FCRLB: variants seen among roughly 807,000 people sequenced by gnomAD.
FCRLB encodes Fc receptor-like B.
A neutral mutation model predicts 33.6 loss-of-function variants in FCRLB; 34 were observed. The ratio of observed to expected loss-of-function variants is 1.01; its 90% CI spans 0.77 to 1.35. The LOEUF is 1.35. Ranked by LOEUF, FCRLB falls within the 40% of genes most tolerant of loss-of-function variation. The pLI is 0.00. For missense variants in FCRLB, 560 were observed against 580.2 expected (o/e 0.97, Z 0.36); for synonymous variants, 280 against 255.9 (o/e 1.09, Z -0.90).
At chr1:161,721,973 AAG>A (rs1683388773) in intron 2 of FCRLB, 123 bp downstream of exon 2, 1 of 152,234 alleles carries the variant, frequency 6.6e-6, no homozygotes, top group Non-Finnish European at 1.5e-5. Context: ...GGTAGGAAAG[AAG>A]AGTTTTCTAA....
chr1:161,723,312 C>T, intron 4 of FCRLB, 55 bp from the exon 5 acceptor site: 2 of 1,589,464 alleles, frequency 1.3e-6, no homozygotes, highest in East Asian at 2.2e-5. Flanking sequence ...TCTTTGGGCA[C>T]CTCACCTTGA....
intron 3 of FCRLB, 120 bp from the exon 4 acceptor site, chr1:161,722,868 AG>A: frequency 6.6e-7 from 1 of 1,508,400 alleles, no homozygotes; most frequent in Non-Finnish European, 9.1e-7. Flanking sequence ...TTGGGAAACC[AG>A]GGGCAGAAGA....
exon 8 of FCRLB, chr1:161,727,790 C>A (rs557242550): frequency 1.1e-5 from 13 of 1,206,178 alleles, no homozygotes; most frequent in Admixed American, 2.9e-5. Context: ...GGAGCGCCCA[C>A]GAAGTGTAGT....
chr1:161,727,019 C>G, intron 7 of FCRLB, 26 bp downstream of exon 7: 2 of 1,479,012 alleles, frequency 1.4e-6, no homozygotes, highest in Non-Finnish European at 1.8e-6. Flanking sequence ...CCCTCCCGGA[C>G]GCCGACCCTG....
At chr1:161,725,590 C>A (rs936399230) in intron 5 of FCRLB, among the ~76,000 whole-genome samples, 1 of 151,824 alleles carries the variant, frequency 6.6e-6, no homozygotes, top group African/African-American at 2.4e-5. Flanking sequence ...TGCAGTGAAC[C>A]GAGTTTGTGC....
rs1210217132 is a variant in FCRLB at position 161,723,627 on chromosome 1, T to G, written c.307+6T>G. 6.2e-7 allele frequency: 1 copy of G among 1,612,396 alleles called. No homozygotes were observed. Among genetic ancestry groups the G allele is most frequent in the Admixed American group, 1.7e-5 (1 of 59,964 alleles). ...CCACCTCTCTGTATCCAATGGTGAGTGGACTGAGCACGAGGGGAGGGGGAG... is the reference window on the plus strand; with the variant it reads ...CCACCTCTCTGTATCCAATGGTGAGGGGACTGAGCACGAGGGGAGGGGGAG... On this transcript the variant is annotated splice_donor_region_variant and intron_variant, in intron 5 of 7. Coordinates refer to ENST00000367948, the Ensembl canonical transcript of FCRLB.
intron 5 of FCRLB, 48 bp from the exon 6 acceptor site, chr1:161,725,773 G>A: frequency 6.4e-7 from 1 of 1,555,026 alleles, no homozygotes. Context: ...GAGATCTCCA[G>A]GGCTGGACTT....
At chr1:161,727,937 T>TA in exon 8 of FCRLB, 1 of 412,022 alleles carries the variant, frequency 2.4e-6, no homozygotes, top group Non-Finnish European at 4.4e-6. Flanking sequence ...TAGTCACCCT[T>TA]AGCCCTTCAG....
Position 161,726,763 on chromosome 1 carries a change from T to C in FCRLB, c.635T>C (p.Leu212Pro). Residue 212 changes from leucine to proline, a missense_variant, in exon 7 of 8, where the codon CTG (leucine) becomes CCG (proline). Leu to Pro is a moderately conservative substitution (Grantham distance 98, BLOSUM62 -3). Transcript: ENST00000367948. The surrounding 1 kb of genome is among the most constrained non-coding windows in gnomAD (Gnocchi z 5.2). ...CCGCGGGAGGCCCGCGGCGCGGCGCTGGGTGGGGTGGTGCTGCGCTGCGAC... is the reference window on the plus strand; with the variant it reads ...CCGCGGGAGGCCCGCGGCGCGGCGCCGGGTGGGGTGGTGCTGCGCTGCGAC... 1 of 1,582,842 alleles carries C rather than the reference T, an allele frequency of 6.3e-7. No individual in the cohort carries two copies.
At chr1:161,725,433 G>A (rs1392832359) in intron 5 of FCRLB, among the ~76,000 whole-genome samples, 1 of 152,150 alleles carries the variant, frequency 6.6e-6, no homozygotes, top group African/African-American at 2.4e-5. Context: ...CTGAGGTCAG[G>A]AGTTCAAGAC....
chr1:161,727,668 C>A (rs1461425502), exon 8 of FCRLB: 1 of 1,582,322 alleles, frequency 6.3e-7, no homozygotes, highest in Non-Finnish European at 8.6e-7. Context: ...GCTGAGGGGG[C>A]GGCTACCGTC....
exon 8 of FCRLB, chr1:161,727,336 C>T (rs1362249934): frequency 1.9e-6 from 3 of 1,613,622 alleles, no homozygotes; most frequent in South Asian, 1.1e-5. Flanking sequence ...CTTCAGAAAG[C>T]CCCCGGTGTC....
chr1:161,727,886 C>A, exon 8 of FCRLB: 1 of 551,950 alleles, frequency 1.8e-6, no homozygotes, highest in Non-Finnish European at 3.2e-6. Context: ...AAGTAGAAAC[C>A]TGTTATTTAC....
chr1:161,722,783 G>T, intron 3 of FCRLB, 80 bp downstream of exon 3: 1 of 1,565,550 alleles, frequency 6.4e-7, no homozygotes, highest in South Asian at 1.1e-5. Flanking sequence ...AGGAGGGTGG[G>T]TATCCAATCC....
Position 161,722,941 on chromosome 1 carries a change from C to T in FCRLB, c.32-48C>T, listed in dbSNP as rs774956728. ...TCGTCAAGAGTCTCTCTCCTCTCAT[C>T]GCCAATATTCTCCTTCTCCTTCCTC... is the stretch of plus-strand genomic sequence containing the variant. On this transcript the variant is annotated intron_variant, in intron 3 of 7. Coordinates refer to ENST00000367948, the Ensembl canonical transcript of FCRLB. 3.5e-5 allele frequency: 56 copies of T among 1,611,324 alleles called. No homozygotes were observed. The Admixed American group carries it at 4.3e-4, about 12-fold the overall frequency.
intron 2 of FCRLB, among the ~76,000 whole-genome samples, chr1:161,722,437 C>A (rs947161477): frequency 1.3e-5 from 2 of 152,178 alleles, no homozygotes; most frequent in African/African-American, 4.8e-5. Flanking sequence ...CTGGCCTGAG[C>A]TGTGAGGTGG....
At chr1:161,727,365 C>A (rs868762276) in exon 8 of FCRLB, 12 of 1,613,632 alleles carry the variant, frequency 7.4e-6, no homozygotes, top group Non-Finnish European at 1.0e-5. Flanking sequence ...TCCCGTTGGT[C>A]ACCTCCGTCC....
chr1:161,723,017 T>TTATAAATTTCTCA lies in FCRLB; in HGVS notation c.52+10_52+22dup. The TTATAAATTTCTCA allele has an allele frequency of 6.2e-7, 1 of 1,613,894 alleles. No individual in the cohort carries two copies. Among genetic ancestry groups the TTATAAATTTCTCA allele is most frequent in the Non-Finnish European group, 8.5e-7 (1 of 1,179,984 alleles). On this transcript the variant is annotated intron_variant, in intron 4 of 7. Transcript: ENST00000367948. ...CAAGCAGTGGGCAAGCTGGTGAGTCTTATAAATTTCTCATCCCAATTTTCT... is the reference window on the plus strand; with the variant it reads ...CAAGCAGTGGGCAAGCTGGTGAGTCTTATAAATTTCTCATATAAATTTCTCATCCCAATTTTCT...
intron 5 of FCRLB, among the ~76,000 whole-genome samples, chr1:161,724,529 G>A (rs900827821): frequency 2.8e-4 from 43 of 152,072 alleles, no homozygotes; most frequent in African/African-American, 8.7e-4. Context: ...CCTGGGAGGC[G>A]GAAGTTGCAG....
Sources: gnomAD v4.1 joint callset for allele counts (sites outside exome capture counted in the v4.1 genomes callset) on GRCh38, gnomAD v4.1.1 for gene constraint, Gnocchi (gnomAD v3.1) non-coding constraint, MANE v1.5 for transcripts, NCBI Gene and HGNC (gene_info 2026-07-23, HGNC 2026-07-21) for gene names.